TRAPPC9: variants seen among roughly 807,000 people sequenced by gnomAD.
TRAPPC9 encodes the protein IKK2 binding protein.
Under a neutral mutation model 124.0 loss-of-function variants are expected in TRAPPC9, and 83 were observed. The observed-to-expected ratio is 0.67, with a 90% CI of 0.56 to 0.80. The LOEUF (loss-of-function observed/expected upper bound fraction) is 0.80, where lower values mean the gene tolerates loss of function less well. Among genes scored for constraint, TRAPPC9 ranks in the 30% least tolerant of loss-of-function variants. The pLI is 0.00. For synonymous variants in TRAPPC9, 638 were observed against 617.5 expected (o/e 1.03, Z -0.49); for missense variants, 1,302 against 1,508.3 (o/e 0.86, Z 2.27).
chr8:140,369,440 C>T (rs970466095), intron 8 of TRAPPC9, among the ~76,000 whole-genome samples: 10 of 152,192 alleles, frequency 6.6e-5, no homozygotes, highest in African/African-American at 1.2e-4. Flanking sequence ...AGGAGTATAA[C>T]GAACTACCTG....
chr8:140,162,827 G>A (rs2061773684), intron 17 of TRAPPC9, among the ~76,000 whole-genome samples: 1 of 152,040 alleles, frequency 6.6e-6, no homozygotes, highest in Admixed American at 6.6e-5. Flanking sequence ...ATCTCTACAA[G>A]AAAATATTTT....
At chr8:140,458,267 T>C (rs1240853265), upstream of TRAPPC9, 1 of 1,552,280 alleles carries the variant, frequency 6.4e-7, no homozygotes, top group African/African-American at 1.4e-5. Context: ...CCCAGTTCTG[T>C]CCCCGCCGCT....
chr8:140,232,103 G>T (rs1419282613), intron 16 of TRAPPC9, among the ~76,000 whole-genome samples: 1 of 151,334 alleles, frequency 6.6e-6, no homozygotes, highest in Non-Finnish European at 1.5e-5. Flanking sequence ...TCTTAAAATA[G>T]AGATGGGTCT....
In TRAPPC9 at chr8:140,269,572, A is replaced by G. The variant is rs190611080; in HGVS notation, c.2278+6086T>C. On this transcript the variant is annotated intron_variant, in intron 15 of 22. Coordinates refer to ENST00000438773, the MANE Select transcript of TRAPPC9 (RefSeq NM_001160372.4). The stretch of plus-strand genomic sequence containing the variant: ...TAAAATAAAATAAATAAATAAATAA[A>G]TAAATAAATAAATAAATAAGATGGA... 3.4e-3 allele frequency among the ~76,000 whole-genome samples: 512 copies of G among 151,618 alleles called. 1 individual carries two copies. Among genetic ancestry groups the G allele is most frequent in the African/African-American group, 0.012 (497 of 41,402 alleles).
chr8:139,811,432 G>A (rs996949383), intron 21 of TRAPPC9, among the ~76,000 whole-genome samples: 5 of 152,252 alleles, frequency 3.3e-5, no homozygotes, highest in Admixed American at 6.5e-5. Flanking sequence ...TTTGATGCCT[G>A]TGTTTGTTTT....
chr8:140,000,245 A>G (rs1232569903), intron 18 of TRAPPC9, among the ~76,000 whole-genome samples: 1 of 152,222 alleles, frequency 6.6e-6, no homozygotes, highest in Admixed American at 6.5e-5. Context: ...GATGGATTAA[A>G]GACTTCAATG....
chr8:140,331,259 G>A (rs1330690317), intron 9 of TRAPPC9, among the ~76,000 whole-genome samples: 2 of 152,094 alleles, frequency 1.3e-5, no homozygotes, highest in Non-Finnish European at 2.9e-5. Flanking sequence ...GGGAAAACTG[G>A]ATATAAGTAT....
chr8:140,346,693 C>G (rs991556899), intron 9 of TRAPPC9, among the ~76,000 whole-genome samples: 2 of 152,198 alleles, frequency 1.3e-5, no homozygotes, highest in Non-Finnish European at 2.9e-5. Flanking sequence ...TCTAACCCAT[C>G]TAACTACACC....
At chr8:140,100,278 C>T (rs1488450880) in intron 17 of TRAPPC9, 1 of 152,402 alleles carries the variant, frequency 6.6e-6, no homozygotes, top group Non-Finnish European at 1.5e-5. Flanking sequence ...CAGTGCGCAG[C>T]TTCAGCATCC....
intron 21 of TRAPPC9, among the ~76,000 whole-genome samples, chr8:139,744,141 A>G (rs560319553): frequency 1.3e-5 from 2 of 152,358 alleles, no homozygotes; most frequent in South Asian, 4.1e-4. Flanking sequence ...CAACTATGCC[A>G]ATATGGTTTC....
intron 17 of TRAPPC9, among the ~76,000 whole-genome samples, chr8:140,196,118 AC>A (rs2062659489): frequency 1.2e-5 from 1 of 82,344 alleles, no homozygotes; most frequent in African/African-American, 5.5e-5. Context: ...TACAGATCAC[AC>A]CTGTGACACT....
intron 21 of TRAPPC9, among the ~76,000 whole-genome samples, chr8:139,882,692 G>A (rs771216274): frequency 1.3e-5 from 2 of 152,200 alleles, no homozygotes; most frequent in African/African-American, 2.4e-5. Context: ...GCGGGTCTCA[G>A]AGGAAACAAT....
At chr8:139,829,246 T>A (rs1563845362) in intron 21 of TRAPPC9, among the ~76,000 whole-genome samples, 1 of 152,240 alleles carries the variant, frequency 6.6e-6, no homozygotes, top group South Asian at 2.1e-4. Flanking sequence ...TACGAACCAA[T>A]CCCATCACTG....
At chr8:140,133,461 T>C (rs776003383) in intron 17 of TRAPPC9, among the ~76,000 whole-genome samples, 2 of 152,206 alleles carry the variant, frequency 1.3e-5, no homozygotes, top group Non-Finnish European at 2.9e-5. Flanking sequence ...AACATCATAC[T>C]CAACAGAGAA....
intron 21 of TRAPPC9, among the ~76,000 whole-genome samples, chr8:139,762,733 C>A (rs941982229): frequency 6.6e-6 from 1 of 152,178 alleles, no homozygotes; most frequent in African/African-American, 2.4e-5. Context: ...TATACATGTG[C>A]CCAGGAAACA....
intron 7 of TRAPPC9, among the ~76,000 whole-genome samples, chr8:140,373,396 T>G (rs1361720807): frequency 6.6e-6 from 1 of 152,230 alleles, no homozygotes; most frequent in Non-Finnish European, 1.5e-5. Context: ...CAGCCACATC[T>G]GGCTCTCCCT....
At chr8:139,922,342 C>A (rs1449702183) in intron 19 of TRAPPC9, among the ~76,000 whole-genome samples, 7 of 152,170 alleles carry the variant, frequency 4.6e-5, no homozygotes, top group African/African-American at 1.7e-4. Context: ...TGCCACCACA[C>A]CCGGCTACTT....
chr8:140,238,428 T>TG (rs1179042441), intron 16 of TRAPPC9: 1 of 152,194 alleles, frequency 6.6e-6, no homozygotes, highest in East Asian at 1.9e-4. Context: ...ACCAGGAAGG[T>TG]GCTCCTGAGA....
Position 140,257,615 on chromosome 8 carries a change from G to C in TRAPPC9, c.2279-4686C>G, listed in dbSNP as rs887475379. ...TAGACTCCTAGCATGGGGGGTCCCT[G>C]AATATGCCGAATGCTTTCTTAAGTC... On this transcript the variant is annotated intron_variant, in intron 15 of 22. Coordinates refer to ENST00000438773, the MANE Select transcript of TRAPPC9 (RefSeq NM_001160372.4). This position sits in a 1 kb window ranked among gnomAD's most constrained non-coding sequence, Gnocchi z 4.6. Among the ~76,000 whole-genome samples the C allele has an allele frequency of 1.3e-5, 2 of 152,186 alleles. No homozygotes were observed. The highest frequency in any genetic ancestry group is 1.3e-4 in the Admixed American group (2 of 15,276).
Sources: allele counts gnomAD v4.1 joint callset (sites outside exome capture counted in the v4.1 genomes callset), GRCh38; gene constraint gnomAD v4.1.1; non-coding constraint Gnocchi (gnomAD v3.1); transcripts MANE v1.5; gene names NCBI Gene and HGNC (gene_info 2026-07-23, HGNC 2026-07-21).